The following HPSE2 variants were observed in gnomAD, a reference collection of about 807,000 sequenced individuals.
HPSE2 encodes the protein inactive heparanase-2.
Under a neutral mutation model 60.5 loss-of-function variants are expected in HPSE2, and 38 were observed. That is an observed-to-expected ratio of 0.63 (90% CI 0.48 to 0.82). HPSE2 has a LOEUF of 0.82. Among genes scored for constraint, HPSE2 ranks in the 40% least tolerant of loss-of-function variants. HPSE2 has a pLI of 0.00. For synonymous variants in HPSE2, 295 were observed against 293.2 expected (o/e 1.01, Z -0.06); for missense variants, 713 against 740.4 (o/e 0.96, Z 0.43).
intron 3 of HPSE2, among the ~76,000 whole-genome samples, chr10:98,840,931 T>C (rs1589924815): frequency 6.6e-6 from 1 of 152,204 alleles, no homozygotes; most frequent in African/African-American, 2.4e-5. Flanking sequence ...ACTGTAATTA[T>C]TGTTTGGTTA....
intron 2 of HPSE2, among the ~76,000 whole-genome samples, chr10:99,169,821 TAA>T (rs1360299774): frequency 6.6e-6 from 1 of 152,094 alleles, no homozygotes; most frequent in Non-Finnish European, 1.5e-5. Flanking sequence ...ACTTTTTCTA[TAA>T]AGAGCCAAAC....
intron 2 of HPSE2, among the ~76,000 whole-genome samples, chr10:99,183,377 T>G (rs1847852816): frequency 6.6e-6 from 1 of 152,202 alleles, no homozygotes; most frequent in South Asian, 2.1e-4. Context: ...CAATAGTCCC[T>G]GTACACAGTT....
At chr10:98,954,012 G>A (rs1370634140) in intron 3 of HPSE2, among the ~76,000 whole-genome samples, 1 of 152,168 alleles carries the variant, frequency 6.6e-6, no homozygotes, top group Non-Finnish European at 1.5e-5. Flanking sequence ...GGGAAGAAAA[G>A]AGCACTAAGT....
intron 3 of HPSE2, among the ~76,000 whole-genome samples, chr10:98,833,956 T>C (rs1284890093): frequency 6.6e-6 from 1 of 152,114 alleles, no homozygotes; most frequent in East Asian, 1.9e-4. Flanking sequence ...TAAATCTCAG[T>C]TGCGTTAAGG....
intron 3 of HPSE2, among the ~76,000 whole-genome samples, chr10:98,907,371 T>C (rs989997220): frequency 6.6e-6 from 1 of 152,202 alleles, no homozygotes; most frequent in Non-Finnish European, 1.5e-5. Context: ...TGCAGCAGCA[T>C]GTGCCTATAG....
intron 4 of HPSE2, among the ~76,000 whole-genome samples, chr10:98,723,178 G>T (rs1053444052): frequency 2.0e-5 from 3 of 152,120 alleles, no homozygotes; most frequent in East Asian, 3.9e-4. Flanking sequence ...GCATGAAGGT[G>T]GTTGAATTTT....
intron 3 of HPSE2, among the ~76,000 whole-genome samples, chr10:98,754,580 GA>G (rs961832328): frequency 3.3e-5 from 5 of 150,660 alleles, no homozygotes; most frequent in East Asian, 4.0e-4. Context: ...AGGTTGATGT[GA>G]AAAAAAATAT....
intron 3 of HPSE2, among the ~76,000 whole-genome samples, chr10:98,841,742 G>A (rs980387638): frequency 2.0e-5 from 3 of 151,894 alleles, no homozygotes; most frequent in African/African-American, 7.3e-5. Context: ...GTAACAAAAA[G>A]TACATTATCT....
intron 3 of HPSE2, among the ~76,000 whole-genome samples, chr10:99,045,023 C>G (rs1957824143): frequency 6.6e-6 from 1 of 152,136 alleles, no homozygotes; most frequent in Admixed American, 6.6e-5. Context: ...ACCTAATAGA[C>G]ATCTACAGAA....
At chr10:99,050,122 G>T (rs1380524628) in intron 3 of HPSE2, among the ~76,000 whole-genome samples, 1 of 152,128 alleles carries the variant, frequency 6.6e-6, no homozygotes, top group Non-Finnish European at 1.5e-5. Context: ...AACATAGTGA[G>T]ACCTCATCTC....
rs1031290992 is a variant in HPSE2, at chr10:98,829,472, G to C, written c.611-85416C>G. The stretch of plus-strand genomic sequence containing the variant: ...GGAGGTGGAGGTTGCAGTGAGCCAA[G>C]ATCATGCCACTCCACTCCAGCCTGG... On this transcript the variant is annotated intron_variant, in intron 3 of 11. Transcript: ENST00000370552. Among the ~76,000 whole-genome samples, 12 of 151,966 alleles carry C rather than the reference G, an allele frequency of 7.9e-5. No homozygotes were observed. The East Asian group carries it at 2.1e-3, about 27-fold the overall frequency.
At chr10:99,272,715 A>G in the HPSE2 span, among the ~76,000 whole-genome samples, 4 of 152,222 alleles carry the variant, frequency 2.6e-5, no homozygotes, top group Non-Finnish European at 5.9e-5. Flanking sequence ...TCAAAACCAC[A>G]ATGCGATACC....
At chr10:99,242,230 C>T in the HPSE2 span, among the ~76,000 whole-genome samples, 1 of 152,146 alleles carries the variant, frequency 6.6e-6, no homozygotes, top group Non-Finnish European at 1.5e-5. Context: ...GGCAGCTCTA[C>T]TGACTACACT....
intron 3 of HPSE2, among the ~76,000 whole-genome samples, chr10:99,066,649 T>A (rs1234610429): frequency 6.6e-6 from 1 of 152,116 alleles, no homozygotes; most frequent in Non-Finnish European, 1.5e-5. Flanking sequence ...GAGAACAGTA[T>A]GGGGGAAACT....
chr10:98,537,003 A>G (rs1943303233), intron 9 of HPSE2, among the ~76,000 whole-genome samples: 1 of 152,210 alleles, frequency 6.6e-6, no homozygotes, highest in Non-Finnish European at 1.5e-5. Context: ...AAAGGGTTTT[A>G]AGAAGGTGTT....
At chr10:99,014,080 C>T in intron 3 of HPSE2, 1 of 179,626 alleles carries the variant, frequency 5.6e-6, no homozygotes, top group South Asian at 8.9e-5. Context: ...TGGTTGCTGG[C>T]CCACTTCCAG....
At chr10:98,964,256 C>T (rs1955757817) in intron 3 of HPSE2, among the ~76,000 whole-genome samples, 1 of 151,776 alleles carries the variant, frequency 6.6e-6, no homozygotes, top group African/African-American at 2.4e-5. Flanking sequence ...TAACATAATT[C>T]CTATTTCAAG....
intron 9 of HPSE2, among the ~76,000 whole-genome samples, chr10:98,504,650 C>T (rs1411797657): frequency 6.6e-6 from 1 of 152,078 alleles, no homozygotes; most frequent in Admixed American, 6.5e-5. Context: ...ATTAGCTGGG[C>T]GTGGTGGCAA....
At chr10:98,726,988 A>G (rs900174681) in intron 4 of HPSE2, among the ~76,000 whole-genome samples, 3 of 152,176 alleles carry the variant, frequency 2.0e-5, no homozygotes, top group Non-Finnish European at 4.4e-5. Context: ...GCTCACGGGA[A>G]TTAAGCAAAA....
Sources: gnomAD v4.1 joint callset for allele counts (sites outside exome capture counted in the v4.1 genomes callset) on GRCh38, gnomAD v4.1.1 for gene constraint, MANE v1.5 for transcripts, NCBI Gene and HGNC (gene_info 2026-07-23, HGNC 2026-07-21) for gene names.